Variants in C3orf22 observed in about 807,000 individuals in gnomAD.
The protein encoded by C3orf22 is chromosome 3 open reading frame 22, also known as uncharacterized protein C3orf22.
A neutral mutation model predicts 10.8 loss-of-function variants in C3orf22; 7 were observed. The observed-to-expected ratio is 0.65, with a 90% confidence interval of 0.37 to 1.22. The LOEUF (loss-of-function observed/expected upper bound fraction) is 1.22, where lower values mean the gene tolerates loss of function less well. Among genes scored for constraint, C3orf22 ranks in the 50% most tolerant of loss-of-function variants. C3orf22 has a pLI of 0.02. For synonymous variants in C3orf22, 79 were observed against 78.9 expected (o/e 1.00, Z 0.00); for missense variants, 173 against 177.0 (o/e 0.98, Z 0.13).
intron 4 of C3orf22, chr3:126,541,673 G>C: frequency 2.2e-6 from 3 of 1,363,774 alleles, no homozygotes; most frequent in Non-Finnish European, 2.8e-6. Flanking sequence ...GGCAGCGCCA[G>C]AGTCAGGGAG....
intron 1 of C3orf22, among the ~76,000 whole-genome samples, chr3:126,555,592 C>T (rs1937309520): frequency 6.6e-6 from 1 of 152,142 alleles, no homozygotes; most frequent in African/African-American, 2.4e-5. Context: ...GCTGCATGCT[C>T]CTTATGAGAA....
chr3:126,539,862 C>CACACACACCAGA (rs1560142703), intron 4 of C3orf22, among the ~76,000 whole-genome samples: 1 of 498 alleles, frequency 2.0e-3, no homozygotes, highest in Non-Finnish European at 3.4e-3. Flanking sequence ...CACACACACC[C>CACACACACCAGA]CACACCACAC....
intron 4 of C3orf22, among the ~76,000 whole-genome samples, chr3:126,544,140 G>A (rs1289795005): frequency 6.6e-6 from 1 of 152,208 alleles, no homozygotes; most frequent in Non-Finnish European, 1.5e-5. Flanking sequence ...TAGTTTACTG[G>A]ATTGATGGGT....
At chr3:126,529,248 G>C in exon 5 of C3orf22, 3 of 1,134,302 alleles carry the variant, frequency 2.6e-6, no homozygotes, top group South Asian at 2.6e-5. Context: ...TGGCAGAGGA[G>C]GCCTTGCAAC....
At chr3:126,551,972 T>G in intron 3 of C3orf22, 25 bp downstream of exon 3, 2 of 1,566,784 alleles carry the variant, frequency 1.3e-6, no homozygotes, top group Non-Finnish European at 1.7e-6. Flanking sequence ...CCAGTGGGGG[T>G]GGTGGCATCA....
At chr3:126,550,709 A>G (rs1419934031) in intron 3 of C3orf22, among the ~76,000 whole-genome samples, 1 of 152,072 alleles carries the variant, frequency 6.6e-6, no homozygotes, top group East Asian at 1.9e-4. Flanking sequence ...AAACCCACCA[A>G]TGCCCACTCC....
chr3:126,542,549 T>A, intron 4 of C3orf22: 1 of 1,515,956 alleles, frequency 6.6e-7, no homozygotes, highest in Non-Finnish European at 8.8e-7. Context: ...TTTCAACTAC[T>A]CCGCCCCCTC....
intron 4 of C3orf22, among the ~76,000 whole-genome samples, chr3:126,529,840 G>A (rs558730942): frequency 6.6e-5 from 10 of 152,128 alleles, no homozygotes; most frequent in Admixed American, 1.3e-4. Flanking sequence ...AGCAGTCACC[G>A]CGTGGCTTTC....
rs186610713 is a variant in C3orf22 at position 126,528,626 on chromosome 3, T to G, written c.*218+506A>C. On this transcript the variant is annotated intron_variant and NMD_transcript_variant, in intron 5 of 5. Transcript: ENST00000505070. ...CCTGGGGCCTACCCGGGGCTGGCCA[T>G]GGGCAGGGAAGGTGGAAGTGGGGTC... 9.5e-3 allele frequency among the ~76,000 whole-genome samples: 1,441 copies of G among 152,140 alleles called. 66 individuals carry two copies. Among genetic ancestry groups the G allele is most frequent in the Admixed American group, 0.073 (1,120 of 15,290 alleles).
downstream of C3orf22, among the ~76,000 whole-genome samples, chr3:126,548,164 T>G (rs1024105509): frequency 6.6e-6 from 1 of 152,182 alleles, no homozygotes; most frequent in African/African-American, 2.4e-5. Context: ...CCAGCTAATT[T>G]TTGTATTTTT....
chr3:126,534,929 GAGAC>G (rs1396098891), intron 4 of C3orf22, among the ~76,000 whole-genome samples: 9 of 137,456 alleles, frequency 6.5e-5, no homozygotes, highest in African/African-American at 1.4e-4. Context: ...CCCCAGCCGG[GAGAC>G]AGACAGACAG....
In C3orf22 at chr3:126,558,816, C is replaced by T. The variant is rs1937414743; in HGVS notation, c.-230G>A. The T allele has an allele frequency of 6.6e-6, 1 of 152,308 alleles. No homozygotes were observed. Among genetic ancestry groups the T allele is most frequent in the Non-Finnish European group, 1.5e-5 (1 of 68,096 alleles). 9.4% of individuals were successfully genotyped at this position (152,308 alleles called of 1,614,324 possible). On this transcript the variant is annotated 5_prime_UTR_variant, in exon 1 of 4. Coordinates refer to ENST00000318225, the MANE Select transcript of C3orf22 (RefSeq NM_152533.3). ...GCCCAGAGCTTCCAGCCAGAAAGGA[C>T]AAGCTGCAGGACCCTGTGGGCTGGC...
chr3:126,552,099 T>A lies in C3orf22; in HGVS notation c.113A>T (p.Asp38Val). The change falls in exon 3 of 4, where the codon GAC (aspartate) becomes GTC (valine). Residue 38 changes from aspartate (D) to valine (V), a missense_variant. Coordinates refer to ENST00000318225, the MANE Select transcript of C3orf22 (RefSeq NM_152533.3). ...CTCCCAGGGCTGCAGGGGCTCAGGG[T>A]CGGGCTCTGTCAGCCACGACAACCT... ...PYRLSWLTEPDPEPLQPWEVT... is the reference protein window; with the variant it reads ...PYRLSWLTEPVPEPLQPWEVT... The A allele has an allele frequency of 6.2e-7, 1 of 1,613,534 alleles. No homozygotes were observed. The highest frequency in any genetic ancestry group is 8.5e-7 in the Non-Finnish European group (1 of 1,179,834).
At chr3:126,542,139 T>TC (rs1936974016) in intron 4 of C3orf22, 1 of 1,563,130 alleles carries the variant, frequency 6.4e-7, no homozygotes, top group South Asian at 1.1e-5. Flanking sequence ...AGCGCCGCCT[T>TC]CCAGAGGCGC....
downstream of C3orf22, among the ~76,000 whole-genome samples, chr3:126,544,838 C>T (rs1937039676): frequency 6.6e-6 from 1 of 152,252 alleles, no homozygotes. Context: ...GTACATGCTG[C>T]AGGCACCCAG....
intron 4 of C3orf22, among the ~76,000 whole-genome samples, chr3:126,539,623 G>GCA (rs1207867041): frequency 1.3e-5 from 1 of 75,672 alleles, no homozygotes; most frequent in Non-Finnish European, 2.6e-5. Flanking sequence ...CACACACACA[G>GCA]CACACACACA....
At chr3:126,557,222 T>C (rs1181850736) in intron 1 of C3orf22, among the ~76,000 whole-genome samples, 1 of 152,242 alleles carries the variant, frequency 6.6e-6, no homozygotes, top group East Asian at 1.9e-4. Flanking sequence ...CCCTATCCTC[T>C]GCTGCGTGAC....
intron 4 of C3orf22, chr3:126,536,275 T>G: frequency 6.2e-7 from 1 of 1,613,578 alleles, no homozygotes; most frequent in Non-Finnish European, 8.5e-7. Flanking sequence ...CCACAGCATT[T>G]GGAAACAGAG....
At chr3:126,542,635 G>A (rs1228627874) in intron 4 of C3orf22, 1 of 1,413,958 alleles carries the variant, frequency 7.1e-7, no homozygotes, top group Non-Finnish European at 9.2e-7. Flanking sequence ...AAGACCCCCG[G>A]GGAATGCAGG....
Sources: allele counts gnomAD v4.1 joint callset (sites outside exome capture counted in the v4.1 genomes callset), GRCh38; gene constraint gnomAD v4.1.1; transcripts MANE v1.5; gene names NCBI Gene and HGNC (gene_info 2026-07-23, HGNC 2026-07-21).